IFFO2: variants seen among roughly 807,000 people sequenced by gnomAD.
IFFO2 encodes intermediate filament family orphan 2.
Under a neutral mutation model 53.5 loss-of-function variants are expected in IFFO2, and 19 were observed. The observed-to-expected ratio is 0.36, with a 90% CI of 0.25 to 0.52. The LOEUF (loss-of-function observed/expected upper bound fraction) is 0.52. Ranked by LOEUF, IFFO2 falls within the 20% of genes least tolerant of loss-of-function variation. IFFO2 has a pLI of 0.94. For synonymous variants in IFFO2, 303 were observed against 313.6 expected (o/e 0.97, Z 0.36); for missense variants, 570 against 727.4 (o/e 0.78, Z 2.49).
Position 18,910,338 on chromosome 1 carries a change from G to C in IFFO2, c.1448+4C>G, listed in dbSNP as rs1023195963. On this transcript the variant is annotated splice_donor_region_variant and intron_variant, in intron 8 of 8. Transcript: ENST00000455833. ...CTGAATCCCCTGGGAGGATGGGCGG[G>C]TACCTGTCTGCGGAGCCTTTGATGA... The C allele has an allele frequency of 4.4e-6, 7 of 1,603,002 alleles. No individual in the cohort carries two copies. In the South Asian group the frequency reaches 7.8e-5, roughly 18 times the overall value.
chr1:18,944,675 C>T (rs1172999781), intron 1 of IFFO2, among the ~76,000 whole-genome samples: 1 of 152,192 alleles, frequency 6.6e-6, no homozygotes. Context: ...CAGACCTGTG[C>T]TCACATGCGT....
chr1:18,947,461 C>T lies in IFFO2; in HGVS notation c.665+8207G>A, dbSNP rs748948253. Reference sequence around the variant, plus strand: ...AAAACTGAGGCTCACAGCAGGAAAGCGGCTTGCAATGGGCATGGCCCTTTC... The same window carrying T: ...AAAACTGAGGCTCACAGCAGGAAAGTGGCTTGCAATGGGCATGGCCCTTTC... On this transcript the variant is annotated intron_variant, in intron 1 of 8. Transcript: ENST00000455833. This position sits in a 1 kb window ranked among gnomAD's most constrained non-coding sequence, Gnocchi z 5.0. Among the ~76,000 whole-genome samples the T allele has an allele frequency of 4.6e-5, 7 of 152,230 alleles. No individual in the cohort carries two copies. The highest frequency in any genetic ancestry group is 1.0e-4 in the Non-Finnish European group (7 of 68,036).
chr1:18,908,591 G>A lies in IFFO2; in HGVS notation c.1524C>T (p.Arg508=), dbSNP rs997309276. 19 of 1,551,538 alleles carry A rather than the reference G, an allele frequency of 1.2e-5. No individual in the cohort carries two copies. Among genetic ancestry groups the A allele is most frequent in the Admixed American group, 5.9e-5 (3 of 50,978 alleles). The change falls in exon 9 of 9, where the codon CGC becomes CGT. Residue 508 remains arginine, a synonymous_variant. Coordinates refer to ENST00000455833, the MANE Select transcript of IFFO2 (RefSeq NM_001136265.2). ...TGACCATGGGCTCCACATCCGCCTC[G>A]CGCTCGAACTCATCCTGGATCTCAT... ...STDEIQDEFE[R]EADVEPMVS
intron 1 of IFFO2, among the ~76,000 whole-genome samples, chr1:18,935,132 G>C (rs1485581423): frequency 6.6e-6 from 1 of 152,166 alleles, no homozygotes; most frequent in Non-Finnish European, 1.5e-5. Context: ...TCCAGTTCCT[G>C]CAGCAACAAT....
chr1:18,919,496 G>C lies in IFFO2; in HGVS notation c.822+182C>G, dbSNP rs1443327382. Among the ~76,000 whole-genome samples, 2 of 152,104 alleles carry C rather than the reference G, an allele frequency of 1.3e-5. No homozygotes were observed. The highest frequency in any genetic ancestry group is 2.4e-5 in the African/African-American group (1 of 41,422). On this transcript the variant is annotated intron_variant, in intron 3 of 8. Transcript: ENST00000455833. This position sits in a 1 kb window ranked among gnomAD's most constrained non-coding sequence, Gnocchi z 4.9. ...AGACCGAGGGAAGCAGAAGTGGGGA[G>C]GGGGCGGGAGGAGGGTGCCTGGTCT...
chr1:18,920,945 G>A (rs890617473), intron 2 of IFFO2, 116 bp downstream of exon 2: 14 of 824,756 alleles, frequency 1.7e-5, no homozygotes, highest in Non-Finnish European at 2.9e-5. Context: ...GTGGTAGGAG[G>A]TAACAGAGTA....
At chr1:18,927,089 A>G (rs1319587499) in intron 1 of IFFO2, among the ~76,000 whole-genome samples, 2 of 152,176 alleles carry the variant, frequency 1.3e-5, no homozygotes. Context: ...TGAGTTGGGA[A>G]ACCAGCCACC....
Position 18,956,323 on chromosome 1 carries a change from A to T in IFFO2, c.10T>A (p.Ser4Thr). The change falls in exon 1 of 9, where the codon TCG (serine) becomes ACG (threonine). Residue 4 changes from serine to threonine, a missense_variant. By Grantham distance (58) the Ser-to-Thr change is moderately conservative. Transcript: ENST00000455833. This position sits in a 1 kb window ranked among gnomAD's most constrained non-coding sequence, Gnocchi z 6.4. ...AAGGCCATCTCCCCGAACAGCAGCG[A>T]GTTCACCATGCGCCGGCTGCGCGGC... MVNSLLFGEMALAF... is the reference protein window; with the variant it reads MVNTLLFGEMALAF... 1 of 370,886 alleles carries T rather than the reference A, an allele frequency of 2.7e-6. No homozygotes were observed. The highest frequency in any genetic ancestry group is 4.1e-6 in the Non-Finnish European group (1 of 246,450). 23.0% of individuals were successfully genotyped at this position (370,886 alleles called of 1,614,324 possible).
rs372825695 is a variant in IFFO2 at position 18,906,087 on chromosome 1, A to G, written c.*2474T>C. On this transcript the variant is annotated 3_prime_UTR_variant, in exon 9 of 9. Transcript: ENST00000455833. ...GCAGGCAGGCAGGCAGGCCGGACCC[A>G]GGAACCAGCCCAGGAGGCAGGCCCA... 2 of 152,290 alleles carry G rather than the reference A, an allele frequency of 1.3e-5. No homozygotes were observed. The highest frequency in any genetic ancestry group is 4.8e-5 in the African/African-American group (2 of 41,286). 9.4% of individuals were successfully genotyped at this position (152,290 alleles called of 1,614,324 possible). A position where few individuals can be genotyped will look rare whatever the true frequency, so the allele number is the denominator to read the frequency against.
chr1:18,943,939 C>T (rs1038936338), intron 1 of IFFO2, among the ~76,000 whole-genome samples: 3 of 152,200 alleles, frequency 2.0e-5, no homozygotes, highest in Admixed American at 6.5e-5. Context: ...TGCTTCTCTG[C>T]TCCAAGTGCT....
At chr1:18,949,615 A>G (rs1291217780) in intron 1 of IFFO2, among the ~76,000 whole-genome samples, 1 of 152,274 alleles carries the variant, frequency 6.6e-6, no homozygotes, top group East Asian at 1.9e-4. Context: ...CACATGGCAC[A>G]GTTTAAATCA....
intron 1 of IFFO2, among the ~76,000 whole-genome samples, chr1:18,930,264 A>G (rs1015828260): frequency 7.2e-5 from 11 of 152,142 alleles, no homozygotes; most frequent in Non-Finnish European, 8.8e-5. Flanking sequence ...CGACCTCCCA[A>G]TGACAGCTGC....
At position 18,919,429 on chromosome 1, in the gene IFFO2, A is replaced by G; in HGVS notation, c.822+249T>C. ...ACAGACCATCAGGGGAGCCCGGGGG[A>G]GGGCGGGATAGGTTAAGCGGCAGAT... On this transcript the variant is annotated intron_variant, in intron 3 of 8. Transcript: ENST00000455833. The surrounding 1 kb of genome is among the most constrained non-coding windows in gnomAD (Gnocchi z 4.9). Among the ~76,000 whole-genome samples, 1 of 139,408 alleles carries G rather than the reference A, an allele frequency of 7.2e-6. No homozygotes were observed. The highest frequency in any genetic ancestry group is 2.3e-4 in the East Asian group (1 of 4,402). The allele number at this position is 139,408 out of a possible 152,430, so 91.5% of individuals were successfully genotyped here.
chr1:18,933,469 T>C (rs2148179958), intron 1 of IFFO2, among the ~76,000 whole-genome samples: 1 of 152,332 alleles, frequency 6.6e-6, no homozygotes, highest in Non-Finnish European at 1.5e-5. Flanking sequence ...GTCCCCTCTG[T>C]ATCTTTTCTT....
At chr1:18,927,144 G>T (rs113545677) in intron 1 of IFFO2, among the ~76,000 whole-genome samples, 104 of 152,308 alleles carry the variant, frequency 6.8e-4, no homozygotes, top group African/African-American at 2.4e-3. Context: ...GGGATGGTGT[G>T]GGTAAAAGCA....
chr1:18,944,610 G>A (rs563193910), intron 1 of IFFO2, among the ~76,000 whole-genome samples: 1 of 152,324 alleles, frequency 6.6e-6, no homozygotes, highest in Non-Finnish European at 1.5e-5. Flanking sequence ...CAAGGGGTCT[G>A]CAGGGCCCGC....
At chr1:18,930,416 G>C (rs914895093) in intron 1 of IFFO2, among the ~76,000 whole-genome samples, 9 of 152,220 alleles carry the variant, frequency 5.9e-5, no homozygotes, top group Non-Finnish European at 1.2e-4. Context: ...TAATGAGCTA[G>C]ATGCCGCCTT....
At position 18,908,359 on chromosome 1, in the gene IFFO2, T is replaced by TG. The variant is rs1390990637; in HGVS notation, c.*201dup. On this transcript the variant is annotated 3_prime_UTR_variant, in exon 9 of 9. Coordinates refer to ENST00000455833, the MANE Select transcript of IFFO2 (RefSeq NM_001136265.2). ...TTGACAGCACCATTCCTTGGGTGGG[T>TG]GGGGGATGGAGACGGGGCACCCGTT... 1 of 566,018 alleles carries TG rather than the reference T, an allele frequency of 1.8e-6. No homozygotes were observed. The highest frequency in any genetic ancestry group is 3.2e-6 in the Non-Finnish European group (1 of 314,460). 35.1% of individuals were successfully genotyped at this position (566,018 alleles called of 1,614,324 possible). A position where few individuals can be genotyped will look rare whatever the true frequency, so the allele number is the denominator to read the frequency against.
At chr1:18,913,960 T>C (rs1380657581) in intron 5 of IFFO2, among the ~76,000 whole-genome samples, 2 of 147,690 alleles carry the variant, frequency 1.4e-5, no homozygotes, top group East Asian at 3.9e-4. Context: ...GCCTCCTGCG[T>C]AGCTGGGACT....
Sources: allele counts gnomAD v4.1 joint callset (sites outside exome capture counted in the v4.1 genomes callset), GRCh38; gene constraint gnomAD v4.1.1; non-coding constraint Gnocchi (gnomAD v3.1); transcripts MANE v1.5; gene names NCBI Gene and HGNC (gene_info 2026-07-23, HGNC 2026-07-21).